The following SRGAP2B variants were observed in gnomAD, a reference collection of about 807,000 sequenced individuals.
SRGAP2B encodes SLIT-ROBO Rho GTPase-activating protein 2B.
A neutral mutation model predicts 22.2 loss-of-function variants in SRGAP2B; 9 were observed. The ratio of observed to expected loss-of-function variants is 0.41; its 90% CI spans 0.24 to 0.71. SRGAP2B has a LOEUF of 0.71. Among genes scored for constraint, SRGAP2B ranks in the 30% least tolerant of loss-of-function variants. The pLI, the probability that SRGAP2B is intolerant of heterozygous loss-of-function variation, is 0.35. For missense variants in SRGAP2B, 114 were observed against 235.8 expected (o/e 0.48, Z 3.38); for synonymous variants, 36 against 87.4 (o/e 0.41, Z 3.28).
chr1:144,999,246 T>G (rs1570969855), intron 2 of SRGAP2B, among the ~76,000 whole-genome samples: 3 of 149,782 alleles, frequency 2.0e-5, no homozygotes, highest in South Asian at 2.1e-4. Flanking sequence ...TAGAAATACA[T>G]GGAAAGAAGT....
At position 144,911,910 on chromosome 1, in the gene SRGAP2B, T is replaced by TGACC. The variant is rs1455985473; in HGVS notation, c.486+2778_486+2781dup. On this transcript the variant is annotated intron_variant, in intron 5 of 9. Transcript: ENST00000612199. ...CTGGGATTACGGGCATGAGCCACTG[T>TGACC]GACCGGCTATTCTCTGAACTTTCTC... is the stretch of plus-strand genomic sequence containing the variant. 7.2e-4 allele frequency among the ~76,000 whole-genome samples: 101 copies of TGACC among 139,680 alleles called. 2 individuals carry two copies. Among genetic ancestry groups the TGACC allele is most frequent in the African/African-American group, 2.4e-3 (85 of 35,350 alleles). 91.6% of individuals were successfully genotyped at this position (139,680 alleles called of 152,430 possible). A position where few individuals can be genotyped will look rare whatever the true frequency, so the allele number is the denominator to read the frequency against.
chr1:144,954,585 T>C (rs1570837028), intron 4 of SRGAP2B, among the ~76,000 whole-genome samples: 4 of 150,642 alleles, frequency 2.7e-5, no homozygotes, highest in East Asian at 1.9e-4. Context: ...TATACAATGG[T>C]TGGGGCCTTC....
At chr1:145,058,229 G>A (rs1650610053) in intron 2 of SRGAP2B, among the ~76,000 whole-genome samples, 1 of 149,234 alleles carries the variant, frequency 6.7e-6, no homozygotes, top group African/African-American at 2.5e-5. Context: ...TCACTAAGGT[G>A]GTATGGGATA....
chr1:144,967,278 T>C (rs1668157976), intron 3 of SRGAP2B, among the ~76,000 whole-genome samples: 1 of 109,746 alleles, frequency 9.1e-6, no homozygotes, highest in African/African-American at 4.0e-5. Flanking sequence ...GAACAGAAAT[T>C]ATAACAAACT....
chr1:145,017,168 G>C (rs1360578830), intron 2 of SRGAP2B, among the ~76,000 whole-genome samples: 1 of 143,418 alleles, frequency 7.0e-6, no homozygotes, highest in Non-Finnish European at 1.5e-5. Context: ...GACCTCAAGC[G>C]ATCTGCCCAA....
At chr1:145,085,099 C>T (rs1481884594) in intron 2 of SRGAP2B, among the ~76,000 whole-genome samples, 5 of 151,796 alleles carry the variant, frequency 3.3e-5, no homozygotes, top group South Asian at 4.2e-4. Context: ...CCCACCACCA[C>T]GCCCAGCTAA....
At chr1:144,991,647 C>T (rs1570947050) in intron 3 of SRGAP2B, among the ~76,000 whole-genome samples, 1 of 150,220 alleles carries the variant, frequency 6.7e-6, no homozygotes, top group Admixed American at 6.6e-5. Flanking sequence ...TTTGTAAACA[C>T]ACCAATCAGC....
chr1:144,988,617 TA>T (rs1553616444), intron 3 of SRGAP2B, among the ~76,000 whole-genome samples: 1 of 143,214 alleles, frequency 7.0e-6, no homozygotes, highest in Non-Finnish European at 1.5e-5. Flanking sequence ...GTCCTGGATT[TA>T]GCTCTTTGTT....
chr1:144,990,904 C>T (rs868986384), intron 3 of SRGAP2B, among the ~76,000 whole-genome samples: 1 of 151,190 alleles, frequency 6.6e-6, no homozygotes, highest in Non-Finnish European at 1.5e-5. Flanking sequence ...GGCTCGGGAC[C>T]TGCAGCCCGC....
chr1:144,957,346 T>A (rs1667339160), intron 3 of SRGAP2B, among the ~76,000 whole-genome samples: 2 of 146,232 alleles, frequency 1.4e-5, no homozygotes, highest in Admixed American at 1.4e-4. Context: ...CCATACTTAC[T>A]TGGACTTCAG....
At chr1:145,009,563 G>C (rs1175336200) in intron 2 of SRGAP2B, among the ~76,000 whole-genome samples, 1 of 148,082 alleles carries the variant, frequency 6.8e-6, no homozygotes, top group Non-Finnish European at 1.5e-5. Flanking sequence ...ACTCCAGCCT[G>C]GGCGACAGAG....
chr1:144,934,374 G>A (rs1281643802), intron 4 of SRGAP2B, among the ~76,000 whole-genome samples: 1 of 128,362 alleles, frequency 7.8e-6, no homozygotes, highest in Admixed American at 8.9e-5. Context: ...CTGCACTCCA[G>A]CCTGGGCAAC....
At chr1:144,932,523 A>C (rs1359767553) in intron 4 of SRGAP2B, among the ~76,000 whole-genome samples, 1 of 150,300 alleles carries the variant, frequency 6.7e-6, no homozygotes, top group Admixed American at 6.6e-5. Context: ...CAGAGCATGC[A>C]GACCTTTTGG....
chr1:144,911,691 C>T (rs1663424925), intron 5 of SRGAP2B, among the ~76,000 whole-genome samples: 1 of 148,550 alleles, frequency 6.7e-6, no homozygotes, highest in African/African-American at 2.6e-5. Flanking sequence ...GATCTTGGCT[C>T]ACTGCAAGCT....
At chr1:145,019,191 A>AG (rs1672618534) in intron 2 of SRGAP2B, among the ~76,000 whole-genome samples, 1 of 134,702 alleles carries the variant, frequency 7.4e-6, no homozygotes, top group Admixed American at 7.3e-5. Flanking sequence ...AAAAAAAAAA[A>AG]AAAAAAAAAA....
chr1:145,019,126 T>C (rs1399115003), intron 2 of SRGAP2B, among the ~76,000 whole-genome samples: 1 of 50,054 alleles, frequency 2.0e-5, no homozygotes, highest in African/African-American at 9.2e-5. Flanking sequence ...GAGCATCACT[T>C]GAGTCCAGGG....
chr1:144,899,710 G>T (rs1662561661), intron 7 of SRGAP2B, among the ~76,000 whole-genome samples: 1 of 149,074 alleles, frequency 6.7e-6, no homozygotes, highest in Non-Finnish European at 1.5e-5. Context: ...GATAACACCA[G>T]CCACACAGGT....
At chr1:144,976,005 C>T (rs1462732789) in intron 3 of SRGAP2B, among the ~76,000 whole-genome samples, 1 of 148,952 alleles carries the variant, frequency 6.7e-6, no homozygotes, top group Non-Finnish European at 1.5e-5. Flanking sequence ...TCCCCAGTAG[C>T]TGGGACCACA....
chr1:144,902,765 A>T (rs1411999625), intron 7 of SRGAP2B, among the ~76,000 whole-genome samples: 1 of 137,874 alleles, frequency 7.3e-6, no homozygotes, highest in Non-Finnish European at 1.5e-5. Context: ...CCTTCTCAAA[A>T]AAAAAAAAAA....
Sources: allele counts gnomAD v4.1 joint callset (sites outside exome capture counted in the v4.1 genomes callset), GRCh38; gene constraint gnomAD v4.1.1; transcripts MANE v1.5; gene names NCBI Gene and HGNC (gene_info 2026-07-23, HGNC 2026-07-21).